Variants in NEURL3 observed in about 807,000 individuals in gnomAD.
NEURL3 encodes E3 ubiquitin-protein ligase NEURL3.
A neutral mutation model predicts 17.6 loss-of-function variants in NEURL3; 19 were observed. The ratio of observed to expected loss-of-function variants is 1.08; its 90% CI spans 0.75 to 1.58. The LOEUF is 1.58. NEURL3 is among the 40% of genes most tolerant of loss of function. The pLI, the probability that NEURL3 is intolerant of heterozygous loss-of-function variation, is 0.00. For missense variants in NEURL3, 342 were observed against 379.6 expected (o/e 0.90, Z 0.82); for synonymous variants, 180 against 161.4 (o/e 1.11, Z -0.87).
At chr2:96,499,819 A>C (rs1290232275) in intron 2 of NEURL3, among the ~76,000 whole-genome samples, 1 of 152,074 alleles carries the variant, frequency 6.6e-6, no homozygotes, top group East Asian at 1.9e-4. Context: ...CAGACCCAGC[A>C]AATCAGGTGC....
upstream of NEURL3, among the ~76,000 whole-genome samples, chr2:96,507,487 G>T (rs1481647202): frequency 6.6e-6 from 1 of 152,092 alleles, no homozygotes; most frequent in Admixed American, 6.6e-5. Context: ...GTTTTTGAGA[G>T]GGAGTCTCGC....
intron 1 of NEURL3, among the ~76,000 whole-genome samples, chr2:96,503,296 C>T (rs918571730): frequency 1.3e-5 from 2 of 152,152 alleles, no homozygotes; most frequent in Non-Finnish European, 2.9e-5. Context: ...CAAAGCTCCC[C>T]GATCCCTGCT....
At chr2:96,499,346 G>A (rs956537983) in intron 3 of NEURL3, 32 bp downstream of exon 3, 61 of 1,595,580 alleles carry the variant, frequency 3.8e-5, no homozygotes, top group East Asian at 3.1e-4. Flanking sequence ...CTGGATTCCC[G>A]GGGAGTCCCT....
intron 1 of NEURL3, chr2:96,504,807 G>A (rs1167406048): frequency 2.6e-5 from 4 of 151,392 alleles, no homozygotes; most frequent in Admixed American, 2.0e-4. Context: ...GAACCCAGGA[G>A]GCAGAGCTTG....
rs115561660 is a variant in NEURL3, at chr2:96,499,241, C to T, written c.586+137G>A. 2.7e-3 allele frequency: 3,938 copies of T among 1,435,008 alleles called. 15 individuals carry two copies. Among genetic ancestry groups the T allele is most frequent in the Non-Finnish European group, 3.1e-3 (3,424 of 1,094,674 alleles). 88.9% of individuals were successfully genotyped at this position (1,435,008 alleles called of 1,614,324 possible). ...GAGATGCCAGGTTGCTTTTAGGTTT[C>T]CAGTAGGCAGAGCCAAATCTTTTGG... On this transcript the variant is annotated intron_variant, in intron 3 of 3. Transcript: ENST00000451794.
chr2:96,503,771 T>C (rs2065533650), intron 1 of NEURL3, among the ~76,000 whole-genome samples: 1 of 152,150 alleles, frequency 6.6e-6, no homozygotes, highest in Non-Finnish European at 1.5e-5. Context: ...TCCCACACTT[T>C]GACCCAGGCA....
At chr2:96,499,062 G>C in intron 3 of NEURL3, 1 of 738,144 alleles carries the variant, frequency 1.4e-6, no homozygotes, top group South Asian at 3.7e-5. Flanking sequence ...ACAGGTGTGA[G>C]CCACTGCACC....
At chr2:96,499,942 T>G (rs997713734) in intron 2 of NEURL3, 1 of 189,804 alleles carries the variant, frequency 5.3e-6, no homozygotes, top group Non-Finnish European at 1.1e-5. Flanking sequence ...TTGTTATGGG[T>G]ATTACTGCCT....
At chr2:96,507,827 C>G (rs922589571), upstream of NEURL3, 1 of 152,274 alleles carries the variant, frequency 6.6e-6, no homozygotes, top group African/African-American at 2.4e-5. Flanking sequence ...TCAAAAAGGT[C>G]CTGTTTATTG....
In NEURL3 at chr2:96,498,286, A is replaced by G. The variant is rs773649963; in HGVS notation, c.747T>C (p.Pro249=). 6.3e-7 allele frequency: 1 copy of G among 1,587,476 alleles called. No homozygotes were observed. Among genetic ancestry groups the G allele is most frequent in the Non-Finnish European group, 8.5e-7 (1 of 1,174,378 alleles). Residue 249 remains proline (P), a synonymous_variant, in exon 4 of 4, where the codon CCT becomes CCC. Transcript: ENST00000451794. The surrounding 1 kb of genome is among the most constrained non-coding windows in gnomAD (Gnocchi z 4.4). ...VCRWQIEAVA[P]AQGPPALRVE... ...CCCTCAGAGCAGGAGGGCCCTGCGC[A>G]GGGGCTACCGCCTCTATCTGCCAGC...
upstream of NEURL3, among the ~76,000 whole-genome samples, chr2:96,507,534 G>A (rs1375465940): frequency 6.6e-6 from 1 of 152,080 alleles, no homozygotes; most frequent in Non-Finnish European, 1.5e-5. Flanking sequence ...GCACGATCTC[G>A]GCTCACTGCA....
chr2:96,498,323 C>T lies in NEURL3; in HGVS notation c.710G>A (p.Cys237Tyr). ...CTCTATCTGCCAGCGGCACACAGGG[C>T]ACTTGGCCGTATCGCTGAAGACCCG... The part of the protein sequence containing the change: ...AWRVFSDTAK[C>Y]PVCRWQIEAV... The change falls in exon 4 of 4, where the codon TGC (cysteine) becomes TAC (tyrosine). Residue 237 changes from cysteine to tyrosine, a missense_variant. Coordinates refer to ENST00000451794, the MANE Select transcript of NEURL3 (RefSeq NM_001285485.2). This position sits in a 1 kb window ranked among gnomAD's most constrained non-coding sequence, Gnocchi z 4.4. The T allele has an allele frequency of 6.3e-7, 1 of 1,597,856 alleles. No individual in the cohort carries two copies.
In NEURL3 at chr2:96,498,210, G is replaced by C. The variant is rs371535552; in HGVS notation, c.*34C>G. 1.3e-6 allele frequency: 2 copies of C among 1,507,590 alleles called. No individual in the cohort carries two copies. The highest frequency in any genetic ancestry group is 2.5e-5 in the South Asian group (2 of 81,012). 93.4% of individuals were successfully genotyped at this position (1,507,590 alleles called of 1,614,324 possible). On this transcript the variant is annotated 3_prime_UTR_variant, in exon 4 of 4. Transcript: ENST00000451794. The surrounding 1 kb of genome is among the most constrained non-coding windows in gnomAD (Gnocchi z 4.4). Reference sequence around the variant, plus strand: ...CTGCAGGGGCCAGACTCAGATCTAGGCCCGGGCTGCCACTCATACTGGGAA... The same window carrying C: ...CTGCAGGGGCCAGACTCAGATCTAGCCCCGGGCTGCCACTCATACTGGGAA...
chr2:96,499,503 A>T (rs2065478367), intron 2 of NEURL3, 54 bp from the exon 3 acceptor site: 1 of 1,506,522 alleles, frequency 6.6e-7, no homozygotes, highest in Non-Finnish European at 9.1e-7. Context: ...GTGCCCCCCC[A>T]TCCCCGCCCC....
At chr2:96,501,006 T>C (rs28603323) in intron 1 of NEURL3, 82 bp from the exon 2 acceptor site, 54,968 of 1,403,564 alleles carry the variant, frequency 0.039, 3,516 homozygotes, top group East Asian at 0.28. Flanking sequence ...TATCCCAGAG[T>C]CCCTCACACC....
Position 96,498,280 on chromosome 2 carries a change from C to A in NEURL3, c.753G>T (p.Gln251His). The A allele has an allele frequency of 6.3e-7, 1 of 1,583,396 alleles. No individual in the cohort carries two copies. Among genetic ancestry groups the A allele is most frequent in the Non-Finnish European group, 8.5e-7 (1 of 1,172,432 alleles). Residue 251 changes from glutamine to histidine, a missense_variant, in exon 4 of 4, where the codon CAG becomes CAT. Physicochemically the swap from Gln to His is conservative, Grantham distance 24 (BLOSUM62 0). Transcript: ENST00000451794. This position sits in a 1 kb window ranked among gnomAD's most constrained non-coding sequence, Gnocchi z 4.4. Reference protein sequence around the residue: ...RWQIEAVAPAQGPPALRVEEG... With the variant: ...RWQIEAVAPAHGPPALRVEEG... ...CCTCAACCCTCAGAGCAGGAGGGCC[C>A]TGCGCAGGGGCTACCGCCTCTATCT...
At chr2:96,502,239 G>A (rs926311898) in intron 1 of NEURL3, among the ~76,000 whole-genome samples, 1 of 152,208 alleles carries the variant, frequency 6.6e-6, no homozygotes, top group Non-Finnish European at 1.5e-5. Context: ...AATCCCAGCA[G>A]GCCTGCCCAG....
At chr2:96,506,059 G>A (rs1023035831), upstream of NEURL3, among the ~76,000 whole-genome samples, 6 of 152,176 alleles carry the variant, frequency 3.9e-5, no homozygotes, top group Non-Finnish European at 7.3e-5. Flanking sequence ...TATTTATTTC[G>A]GTTAGGAAAA....
intron 1 of NEURL3, among the ~76,000 whole-genome samples, chr2:96,503,868 G>C (rs979862671): frequency 6.6e-6 from 1 of 152,254 alleles, no homozygotes; most frequent in Non-Finnish European, 1.5e-5. Flanking sequence ...GTCCCCAGTG[G>C]CTGGGCTGGC....
Sources: allele counts gnomAD v4.1 joint callset (sites outside exome capture counted in the v4.1 genomes callset), GRCh38; gene constraint gnomAD v4.1.1; non-coding constraint Gnocchi (gnomAD v3.1); transcripts MANE v1.5; gene names NCBI Gene and HGNC (gene_info 2026-07-23, HGNC 2026-07-21).